Variants in CELSR1 observed in about 807,000 individuals in gnomAD.
CELSR1 encodes the protein cadherin EGF LAG seven-pass G-type receptor 1, also known as adhesion G protein-coupled receptor C1.
In CELSR1, 110 loss-of-function variants were observed where a neutral mutation model predicts 249.1. That is an observed-to-expected ratio of 0.44 (90% CI 0.38 to 0.52). CELSR1 has a LOEUF of 0.52. CELSR1 is among the 20% of genes least tolerant of loss of function. The probability of loss-of-function intolerance (pLI) is 0.00; values close to 1 mark genes in which losing one functional copy is unlikely to be tolerated. For synonymous variants in CELSR1, 2,113 were observed against 1,900.0 expected, an observed-to-expected ratio of 1.11 and a Z score of -2.92; for missense variants, 4,109 against 4,296.4, an observed-to-expected ratio of 0.96 and a Z score of 1.22.
At position 46,363,512 on chromosome 22, in the gene CELSR1, G is replaced by A. The variant is rs992773887; in HGVS notation, c.9036-265C>T. The A allele has an allele frequency of 1.2e-5, 5 of 415,862 alleles. No homozygotes were observed. Among genetic ancestry groups the A allele is most frequent in the South Asian group, 6.2e-5 (2 of 32,118 alleles). The allele number at this position is 415,862 out of a possible 1,614,324, so 25.8% of individuals were successfully genotyped here. On this transcript the variant is annotated intron_variant, in intron 34 of 34. Transcript: ENST00000674500. The surrounding 1 kb of genome is among the most constrained non-coding windows in gnomAD (Gnocchi z 4.3). ...ACGTTAGAAACCGGCCATCTCTACA[G>A]TGACTTTTGGAAGGGGCATTCTGAA...
At chr22:46,422,504 G>A (rs142152284) in intron 5 of CELSR1, among the ~76,000 whole-genome samples, 1 of 149,456 alleles carries the variant, frequency 6.7e-6, no homozygotes, top group African/African-American at 2.5e-5. Context: ...GAGGCCAAGG[G>A]GGGGCGGATC....
chr22:46,385,844 C>A (rs528759096), intron 19 of CELSR1, among the ~76,000 whole-genome samples: 69 of 151,906 alleles, frequency 4.5e-4, no homozygotes, highest in African/African-American at 1.5e-3. Flanking sequence ...CGACCGGCTA[C>A]TTTTTTGTAT....
chr22:46,405,446 C>T (rs1351279538), intron 9 of CELSR1, among the ~76,000 whole-genome samples: 5 of 131,044 alleles, frequency 3.8e-5, no homozygotes, highest in African/African-American at 6.2e-5. Context: ...GGTGACAGAG[C>T]GAGACTCCGT....
In CELSR1 at chr22:46,488,064, G is replaced by A. The variant is rs1484555978; in HGVS notation, c.3545-23719C>T. Among the ~76,000 whole-genome samples the A allele has an allele frequency of 6.6e-5, 10 of 151,062 alleles. No individual in the cohort carries two copies. Among genetic ancestry groups the A allele is most frequent in the Non-Finnish European group, 7.4e-5 (5 of 67,746 alleles). On this transcript the variant is annotated intron_variant, in intron 1 of 34. Transcript: ENST00000674500. This position sits in a 1 kb window ranked among gnomAD's most constrained non-coding sequence, Gnocchi z 4.7. ...GCTGACAGGATCAGCTGACAGGGGC[G>A]TGAGGGAGGGGTGTCAAGTACCAGT... is the stretch of plus-strand genomic sequence containing the variant.
intron 1 of CELSR1, among the ~76,000 whole-genome samples, chr22:46,487,382 T>G (rs1481894289): frequency 1.3e-5 from 2 of 149,738 alleles, no homozygotes; most frequent in East Asian, 4.0e-4. Flanking sequence ...AAAATTGCTG[T>G]CACTCATTAA....
At chr22:46,492,729 C>T (rs192335178) in intron 1 of CELSR1, among the ~76,000 whole-genome samples, 26 of 151,832 alleles carry the variant, frequency 1.7e-4, no homozygotes, top group African/African-American at 5.3e-4. Flanking sequence ...GCAGGAGAAT[C>T]GCTCGAGGCA....
In CELSR1 at chr22:46,412,636, C is replaced by G. The variant is rs2079351663; in HGVS notation, c.4612-877G>C. ...GGACGAGCCCACTTTCCCCAGACAG[C>G]CCTCGCAGGTCTCAGCTCCTGGTCA... On this transcript the variant is annotated intron_variant, in intron 5 of 34. Transcript: ENST00000674500. The surrounding 1 kb of genome is among the most constrained non-coding windows in gnomAD (Gnocchi z 4.5). 6.6e-6 allele frequency among the ~76,000 whole-genome samples: 1 copy of G among 152,186 alleles called. No individual in the cohort carries two copies. Among genetic ancestry groups the G allele is most frequent in the Non-Finnish European group, 1.5e-5 (1 of 68,040 alleles).
chr22:46,397,104 T>TTTTA (rs1380793062), intron 12 of CELSR1, among the ~76,000 whole-genome samples: 1 of 151,958 alleles, frequency 6.6e-6, no homozygotes, highest in Non-Finnish European at 1.5e-5. Context: ...TCACTAATTC[T>TTTTA]TTTATTTATT....
intron 9 of CELSR1, among the ~76,000 whole-genome samples, chr22:46,405,999 G>A (rs541825044): frequency 6.6e-6 from 1 of 152,298 alleles, no homozygotes; most frequent in South Asian, 2.1e-4. Flanking sequence ...TCCACAGGGA[G>A]GGCTGGCTGT....
At position 46,409,921 on chromosome 22, in the gene CELSR1, A is replaced by G; in HGVS notation, c.4934-41T>C. 6.2e-7 allele frequency: 1 copy of G among 1,600,924 alleles called. No individual in the cohort carries two copies. ...GTGCGGCAGAGCCTGACTCGGAGGA[A>G]CCGCCCGGGGTCCCCGGCGCCAGAC... On this transcript the variant is annotated intron_variant, in intron 7 of 34. Transcript: ENST00000674500. The surrounding 1 kb of genome is among the most constrained non-coding windows in gnomAD (Gnocchi z 9.8).
intron 20 of CELSR1, among the ~76,000 whole-genome samples, chr22:46,382,541 G>T (rs957263072): frequency 2.0e-5 from 3 of 152,126 alleles, no homozygotes; most frequent in Non-Finnish European, 2.9e-5. Context: ...CTCCCAAAGT[G>T]CTGGGATTAC....
Position 46,369,812 on chromosome 22 carries a change from C to T in CELSR1, c.7760-8G>A, listed in dbSNP as rs2078831005. ...CCAGGCCGACCGCCAGTCCTGAACA[C>T]AGCGGGGAGGAAGGGAAGGGTGAGG... On this transcript the variant is annotated splice_region_variant and splice_polypyrimidine_tract_variant and intron_variant, in intron 25 of 34. Transcript: ENST00000674500. 3 of 1,611,870 alleles carry T rather than the reference C, an allele frequency of 1.9e-6. No individual in the cohort carries two copies. Among genetic ancestry groups the T allele is most frequent in the Non-Finnish European group, 1.7e-6 (2 of 1,179,280 alleles).
intron 2 of CELSR1, chr22:46,462,852 T>G (rs1244186366): frequency 1.2e-5 from 5 of 434,154 alleles, no homozygotes; most frequent in Admixed American, 3.1e-5. Flanking sequence ...TAATTCATCT[T>G]GGTGATGAGT....
In CELSR1 at chr22:46,536,462, T is replaced by G; in HGVS notation, c.709A>C (p.Thr237Pro). The change falls in exon 1 of 35, where the codon ACG becomes CCG. Residue 237 changes from threonine (T) to proline (P), a missense_variant. By Grantham distance (38) the Thr-to-Pro change is conservative. Transcript: ENST00000674500. ...AACTTCAGGCTCCCTCTGCCGCTCGTGCCCCGCCGGGCCCGTCGCGCCGGC... is the reference window on the plus strand; with the variant it reads ...AACTTCAGGCTCCCTCTGCCGCTCGGGCCCCGCCGGGCCCGTCGCGCCGGC... ...AGPARRARRG[T>P]SGRGSLKFPM... 1 of 1,609,188 alleles carries G rather than the reference T, an allele frequency of 6.2e-7. No individual in the cohort carries two copies.
chr22:46,531,973 T>C (rs1032670050), intron 1 of CELSR1, among the ~76,000 whole-genome samples: 1 of 152,154 alleles, frequency 6.6e-6, no homozygotes, highest in African/African-American at 2.4e-5. Context: ...GACTACATAG[T>C]GTGGAGCCCC....
intron 2 of CELSR1, among the ~76,000 whole-genome samples, chr22:46,451,295 G>A (rs1040711799): frequency 3.3e-5 from 5 of 152,234 alleles, no homozygotes; most frequent in Admixed American, 6.5e-5. Context: ...GGAGGCCAGG[G>A]GAGCCCGGCA....
Position 46,464,348 on chromosome 22 carries a change from G to T in CELSR1, c.3545-3C>A, listed in dbSNP as rs770985984. 11 of 1,606,828 alleles carry T rather than the reference G, an allele frequency of 6.8e-6. No homozygotes were observed. In the South Asian group the frequency reaches 1.2e-4, roughly 18 times the overall value. ...GGCCGTGACGCTGTGGATGCCATCTGCAGACACAAGGAAAGTCAGGGTCAT... is the reference window on the plus strand; with the variant it reads ...GGCCGTGACGCTGTGGATGCCATCTTCAGACACAAGGAAAGTCAGGGTCAT... On this transcript the variant is annotated splice_polypyrimidine_tract_variant and splice_region_variant and intron_variant, in intron 1 of 34. Coordinates refer to ENST00000674500, the MANE Select transcript of CELSR1 (RefSeq NM_001378328.1). The surrounding 1 kb of genome is among the most constrained non-coding windows in gnomAD (Gnocchi z 8.5).
rs1165545527 is a variant in CELSR1 at position 46,381,031 on chromosome 22, T to C, written c.7089-76A>G. ...GCTTAAATCCCGCGCACAAATGCCC[T>C]GAGGACACGCCATGATGTGTTTCTA... On this transcript the variant is annotated intron_variant, in intron 21 of 34. Transcript: ENST00000674500. This position sits in a 1 kb window ranked among gnomAD's most constrained non-coding sequence, Gnocchi z 6.0. The C allele has an allele frequency of 2.1e-6, 3 of 1,452,422 alleles. No individual in the cohort carries two copies. Among genetic ancestry groups the C allele is most frequent in the Admixed American group, 1.9e-5 (1 of 53,140 alleles). 90.0% of individuals were successfully genotyped at this position (1,452,422 alleles called of 1,614,324 possible). A position where few individuals can be genotyped will look rare whatever the true frequency, so the allele number is the denominator to read the frequency against.
chr22:46,382,748 G>A (rs184571509), intron 20 of CELSR1, among the ~76,000 whole-genome samples: 110 of 152,294 alleles, frequency 7.2e-4, no homozygotes, highest in African/African-American at 2.4e-3. Context: ...CAGTTGCTGC[G>A]GCGCAGGTGA....
Sources: gnomAD v4.1 joint callset for allele counts (sites outside exome capture counted in the v4.1 genomes callset) on GRCh38, gnomAD v4.1.1 for gene constraint, Gnocchi (gnomAD v3.1) non-coding constraint, MANE v1.5 for transcripts, NCBI Gene and HGNC (gene_info 2026-07-23, HGNC 2026-07-21) for gene names.